Variants in PARVB observed in about 807,000 individuals in gnomAD.
PARVB encodes beta-parvin.
Under a neutral mutation model 47.0 loss-of-function variants are expected in PARVB, and 46 were observed. The observed-to-expected ratio is 0.98, with a 90% CI of 0.77 to 1.25. PARVB has a LOEUF of 1.25. Ranked by LOEUF, PARVB falls within the 50% of genes most tolerant of loss-of-function variation. The probability of loss-of-function intolerance (pLI) is 0.00; values close to 1 mark genes in which losing one functional copy is unlikely to be tolerated. For synonymous variants in PARVB, 196 were observed against 196.3 expected (o/e 1.00, Z 0.01); for missense variants, 473 against 471.6 (o/e 1.00, Z -0.03).
intron 2 of PARVB, among the ~76,000 whole-genome samples, chr22:44,003,702 T>G (rs1414685176): frequency 6.6e-6 from 1 of 152,156 alleles, no homozygotes; most frequent in Non-Finnish European, 1.5e-5. Context: ...GAGCCTGTGT[T>G]TAGGAGTTGG....
intron 1 of PARVB, among the ~76,000 whole-genome samples, chr22:44,055,678 C>CTCTCTCTCTCTCTCTATATATATA (rs1438284048): frequency 4.1e-4 from 58 of 142,752 alleles, no homozygotes; most frequent in African/African-American, 1.4e-3. Context: ...CTCTCTCTCT[C>CTCTCTCTCTCTCTCTATATATATA]TATATATATA....
In PARVB at chr22:43,999,355, TA is replaced by T; in HGVS notation, c.18del (p.Asp7IlefsTer23). On this transcript the variant is annotated frameshift_variant, in exon 1 of 14. Coordinates refer to the PARVB transcript ENST00000406477. LOFTEE classifies it high-confidence loss of function. ...GATGTGCACAAATGCACCATGTGTT[TA>T]AAGATCACCAAAGAGGAGAGAAAAG... 1 of 1,609,540 alleles carries T rather than the reference TA, an allele frequency of 6.2e-7. No homozygotes were observed. The highest frequency in any genetic ancestry group is 8.5e-7 in the Non-Finnish European group (1 of 1,177,718).
chr22:44,117,027 G>A (rs766252663), intron 3 of PARVB, among the ~76,000 whole-genome samples: 25 of 152,136 alleles, frequency 1.6e-4, no homozygotes, highest in Admixed American at 4.6e-4. Context: ...GAGACAGGAG[G>A]ATGGTGGCCT....
intron 1 of PARVB, among the ~76,000 whole-genome samples, chr22:44,034,525 C>T (rs1371270233): frequency 6.6e-6 from 1 of 151,862 alleles, no homozygotes; most frequent in Non-Finnish European, 1.5e-5. Flanking sequence ...TCCTGAGTAG[C>T]TGAAACAATA....
chr22:44,093,565 C>G (rs1411132926), intron 1 of PARVB, among the ~76,000 whole-genome samples: 1 of 152,210 alleles, frequency 6.6e-6, no homozygotes, highest in Non-Finnish European at 1.5e-5. Context: ...CAGCCCCACT[C>G]TCTCATGCCC....
chr22:44,020,775 C>T (rs1238979180), upstream of PARVB, among the ~76,000 whole-genome samples: 3 of 151,964 alleles, frequency 2.0e-5, no homozygotes, highest in African/African-American at 7.3e-5. Context: ...GCTTCTCCAA[C>T]TCTGTCCTTT....
chr22:44,039,786 C>G, intron 1 of PARVB: 1 of 448,342 alleles, frequency 2.2e-6, no homozygotes, highest in Non-Finnish European at 4.5e-6. Flanking sequence ...CCAAGACAGA[C>G]CAAAAGAGTA....
chr22:44,130,790 TTTTTTC>T (rs1411200355), intron 4 of PARVB, among the ~76,000 whole-genome samples: 2 of 152,182 alleles, frequency 1.3e-5, no homozygotes, highest in Non-Finnish European at 2.9e-5. Context: ...TCTTATTATG[TTTTTTC>T]CATTTTGTAT....
chr22:44,066,440 T>C (rs1193009850), intron 1 of PARVB, among the ~76,000 whole-genome samples: 1 of 152,120 alleles, frequency 6.6e-6, no homozygotes, highest in Non-Finnish European at 1.5e-5. Flanking sequence ...GTCTTAATTA[T>C]CTTAACAAGG....
intron 2 of PARVB, among the ~76,000 whole-genome samples, chr22:44,008,756 C>T (rs981169354): frequency 6.6e-6 from 1 of 151,904 alleles, no homozygotes; most frequent in African/African-American, 2.4e-5. Flanking sequence ...GAGGCCGAGG[C>T]AGGCGGATCA....
intron 1 of PARVB, among the ~76,000 whole-genome samples, chr22:44,059,761 T>A (rs1307353436): frequency 6.6e-6 from 1 of 152,166 alleles, no homozygotes; most frequent in Non-Finnish European, 1.5e-5. Context: ...TTAAAAAGTC[T>A]CACTTGGCTT....
At chr22:44,166,680 G>A (rs115454103) in intron 12 of PARVB, among the ~76,000 whole-genome samples, 1,679 of 152,368 alleles carry the variant, frequency 0.011, 29 homozygotes, top group African/African-American at 0.038. Flanking sequence ...CAGGCAGGGG[G>A]CAGAGCTGGT....
In PARVB at chr22:44,120,134, C is replaced by T. The variant is rs770964299; in HGVS notation, c.376+994C>T. On this transcript the variant is annotated intron_variant, in intron 4 of 12. Transcript: ENST00000338758. ...CCCAAGCATAGCTCTTGAGCCCGGCCGCGGGGCCTTTCTCTGACCTGTCTA... is the reference window on the plus strand; with the variant it reads ...CCCAAGCATAGCTCTTGAGCCCGGCTGCGGGGCCTTTCTCTGACCTGTCTA... 1.8e-4 allele frequency among the ~76,000 whole-genome samples: 27 copies of T among 152,220 alleles called. 1 individual carries two copies. The highest frequency in any genetic ancestry group is 4.1e-4 in the South Asian group (2 of 4,828).
At chr22:44,005,574 G>A (rs1569044688) in intron 2 of PARVB, among the ~76,000 whole-genome samples, 2 of 152,036 alleles carry the variant, frequency 1.3e-5, no homozygotes, top group Middle Eastern at 3.2e-3. Flanking sequence ...TGGAGGCAGG[G>A]TACCTAAGGC....
At chr22:43,999,345 A>G in exon 1 of PARVB, 1 of 1,606,524 alleles carries the variant, frequency 6.2e-7, no homozygotes, top group Non-Finnish European at 8.5e-7. Context: ...GCACAAATGC[A>G]CCATGTGTTT....
intron 11 of PARVB, 47 bp downstream of exon 11, chr22:44,158,130 T>A (rs754303605): frequency 2.3e-6 from 3 of 1,284,424 alleles, no homozygotes; most frequent in African/African-American, 1.5e-5. Flanking sequence ...GAAATGCTCA[T>A]TGAAATGCAG....
chr22:44,024,096 C>G (rs1424064435), upstream of PARVB, among the ~76,000 whole-genome samples: 1 of 152,158 alleles, frequency 6.6e-6, no homozygotes. Context: ...AGGGAAAAGG[C>G]TGCGCCGCTC....
At chr22:44,100,008 C>G (rs780389488) in intron 2 of PARVB, 45 bp from the exon 3 acceptor site, 1 of 1,525,608 alleles carries the variant, frequency 6.6e-7, no homozygotes, top group East Asian at 2.3e-5. Flanking sequence ...CGTGTCCCTG[C>G]CACCCCCACA....
intron 6 of PARVB, among the ~76,000 whole-genome samples, chr22:44,133,407 T>C (rs959672197): frequency 2.6e-5 from 4 of 152,230 alleles, no homozygotes; most frequent in Non-Finnish European, 5.9e-5. Flanking sequence ...TTATTCATCA[T>C]GCCCCATCAT....
Sources: gnomAD v4.1 joint callset for allele counts (sites outside exome capture counted in the v4.1 genomes callset) on GRCh38, gnomAD v4.1.1 for gene constraint, MANE v1.5 for transcripts, NCBI Gene and HGNC (gene_info 2026-07-23, HGNC 2026-07-21) for gene names.